Variants in CAMK1D observed in about 807,000 individuals in gnomAD.
CAMK1D encodes calcium/calmodulin-dependent protein kinase type 1D.
Under a neutral mutation model 47.7 loss-of-function variants are expected in CAMK1D, and 9 were observed. The observed-to-expected ratio is 0.19, with a 90% confidence interval of 0.11 to 0.33. The LOEUF is 0.33. CAMK1D is among the 10% of genes least tolerant of loss of function. The probability of loss-of-function intolerance (pLI) is 1.00; values close to 1 mark genes in which losing one functional copy is unlikely to be tolerated. For synonymous variants in CAMK1D, 184 were observed against 184.9 expected (o/e 0.99, Z 0.04); for missense variants, 291 against 488.7 (o/e 0.60, Z 3.81).
intron 5 of CAMK1D, among the ~76,000 whole-genome samples, chr10:12,776,399 G>A (rs530246801): frequency 1.2e-4 from 18 of 152,246 alleles, no homozygotes; most frequent in Non-Finnish European, 1.9e-4. Flanking sequence ...AAGCCAAGAG[G>A]GCAGCTGGAA....
chr10:12,769,830 CGT>C (rs1031224488), intron 5 of CAMK1D, 31 bp downstream of exon 5: 16 of 1,611,244 alleles, frequency 9.9e-6, no homozygotes, highest in East Asian at 4.5e-5. Flanking sequence ...CACATGTGCC[CGT>C]GTGTGTGTGA....
At chr10:12,410,848 T>G (rs967731685) in intron 1 of CAMK1D, among the ~76,000 whole-genome samples, 4 of 152,204 alleles carry the variant, frequency 2.6e-5, no homozygotes, top group Non-Finnish European at 4.4e-5. Context: ...CTGCCCTCTT[T>G]TATTGATTAA....
intron 1 of CAMK1D, among the ~76,000 whole-genome samples, chr10:12,491,921 G>C (rs1834395741): frequency 6.6e-6 from 1 of 151,966 alleles, no homozygotes; most frequent in African/African-American, 2.4e-5. Context: ...CAAGTAACTG[G>C]GATTACAGGC....
At chr10:12,369,295 T>G (rs1837940481) in intron 1 of CAMK1D, among the ~76,000 whole-genome samples, 1 of 152,178 alleles carries the variant, frequency 6.6e-6, no homozygotes, top group South Asian at 2.1e-4. Flanking sequence ...GATTTGAACT[T>G]TAAAACAACA....
chr10:12,669,833 T>C (rs541255681), intron 3 of CAMK1D, among the ~76,000 whole-genome samples: 1 of 152,350 alleles, frequency 6.6e-6, no homozygotes, highest in Admixed American at 6.5e-5. Flanking sequence ...TATTTTGACA[T>C]TCATCCATGT....
At chr10:12,595,342 G>GAGAAAAAAAAAAAA (rs1554794319) in intron 2 of CAMK1D, among the ~76,000 whole-genome samples, 1 of 23,554 alleles carries the variant, frequency 4.2e-5, no homozygotes, top group African/African-American at 1.8e-4. Context: ...AACTCCATCT[G>GAGAAAAAAAAAAAA]AAAAAAAAAA....
intron 3 of CAMK1D, among the ~76,000 whole-genome samples, chr10:12,704,874 C>T (rs1833671610): frequency 6.6e-6 from 1 of 152,126 alleles, no homozygotes; most frequent in Non-Finnish European, 1.5e-5. Flanking sequence ...AAAGTGTTCC[C>T]TTGCAGCGGT....
At chr10:12,606,040 T>C (rs1368886042) in intron 2 of CAMK1D, among the ~76,000 whole-genome samples, 1 of 152,176 alleles carries the variant, frequency 6.6e-6, no homozygotes, top group Non-Finnish European at 1.5e-5. Flanking sequence ...CATCGTCAGA[T>C]CGAGGTCGGA....
chr10:12,465,555 A>G (rs578151355), intron 1 of CAMK1D, among the ~76,000 whole-genome samples: 18 of 152,056 alleles, frequency 1.2e-4, no homozygotes, highest in Non-Finnish European at 2.4e-4. Context: ...GCGTTTCACC[A>G]TGTTGGCCAG....
At chr10:12,523,094 C>T (rs1338356355) in intron 1 of CAMK1D, among the ~76,000 whole-genome samples, 1 of 151,452 alleles carries the variant, frequency 6.6e-6, no homozygotes, top group Non-Finnish European at 1.5e-5. Context: ...TGGAGGGGCT[C>T]CTCACTTCTC....
intron 2 of CAMK1D, among the ~76,000 whole-genome samples, chr10:12,567,476 G>A (rs1837161137): frequency 6.6e-6 from 1 of 152,120 alleles, no homozygotes; most frequent in African/African-American, 2.4e-5. Context: ...ACGGTTTGGG[G>A]GATAAGCCAG....
intron 2 of CAMK1D, among the ~76,000 whole-genome samples, chr10:12,624,557 G>A (rs1178074274): frequency 6.6e-6 from 1 of 152,128 alleles, no homozygotes; most frequent in East Asian, 1.9e-4. Context: ...GTTCATCCAT[G>A]TTGTCACCCT....
intron 5 of CAMK1D, among the ~76,000 whole-genome samples, chr10:12,780,443 C>T (rs1261060854): frequency 6.6e-6 from 1 of 152,102 alleles, no homozygotes; most frequent in Non-Finnish European, 1.5e-5. Context: ...TTTCTATAGA[C>T]TTGTGAGTTG....
intron 1 of CAMK1D, among the ~76,000 whole-genome samples, chr10:12,408,425 G>A (rs879075091): frequency 6.6e-5 from 10 of 151,870 alleles, no homozygotes; most frequent in East Asian, 1.9e-4. Flanking sequence ...CACCCGCCTC[G>A]GCCTCCCAAA....
intron 1 of CAMK1D, among the ~76,000 whole-genome samples, chr10:12,409,049 G>A (rs957715551): frequency 2.6e-5 from 4 of 151,928 alleles, no homozygotes; most frequent in Admixed American, 6.6e-5. Context: ...TAGAGACGGA[G>A]TTTCGCCATG....
At chr10:12,701,106 T>TC (rs1040104026) in intron 3 of CAMK1D, among the ~76,000 whole-genome samples, 9 of 151,008 alleles carry the variant, frequency 6.0e-5, no homozygotes, top group African/African-American at 2.2e-4. Context: ...CATAGATTCT[T>TC]CTTTTTTTTT....
chr10:12,820,758 G>A (rs1352931701), intron 8 of CAMK1D, among the ~76,000 whole-genome samples: 1 of 152,214 alleles, frequency 6.6e-6, no homozygotes, highest in Non-Finnish European at 1.5e-5. Flanking sequence ...GCAGATGGAG[G>A]CAGCCGGCCT....
chr10:12,438,366 G>A (rs1246807751), intron 1 of CAMK1D, among the ~76,000 whole-genome samples: 2 of 152,088 alleles, frequency 1.3e-5, no homozygotes, highest in Non-Finnish European at 2.9e-5. Context: ...TTCCCCTGTC[G>A]TGATGGAATT....
chr10:12,420,985 C>T (rs115882986), intron 1 of CAMK1D, among the ~76,000 whole-genome samples: 1,632 of 152,220 alleles, frequency 0.011, 16 homozygotes, highest in African/African-American at 0.031. Context: ...TTCCCTCATG[C>T]CAGAGAAGTC....
Sources: allele counts gnomAD v4.1 joint callset (sites outside exome capture counted in the v4.1 genomes callset), GRCh38; gene constraint gnomAD v4.1.1; transcripts MANE v1.5; gene names NCBI Gene and HGNC (gene_info 2026-07-23, HGNC 2026-07-21).